The following SCAPER variants were observed in gnomAD, a reference collection of about 807,000 sequenced individuals.
The protein encoded by SCAPER is S phase cyclin A-associated protein in the endoplasmic reticulum.
SCAPER carries 98 observed loss-of-function variants against 182.2 expected under a neutral mutation model. That is an observed-to-expected ratio of 0.54 (90% CI 0.46 to 0.64). The LOEUF (loss-of-function observed/expected upper bound fraction) is 0.64, where lower values mean the gene tolerates loss of function less well. Among genes scored for constraint, SCAPER ranks in the 30% least tolerant of loss-of-function variants. The pLI is 0.00. For missense variants in SCAPER, 1,432 were observed against 1,690.0 expected, an observed-to-expected ratio of 0.85 and a Z score of 2.68; for synonymous variants, 605 against 564.6, an observed-to-expected ratio of 1.07 and a Z score of -1.01.
chr15:76,721,885 G>T (rs1291111163), intron 17 of SCAPER, among the ~76,000 whole-genome samples: 1 of 152,194 alleles, frequency 6.6e-6, no homozygotes, highest in African/African-American at 2.4e-5. Context: ...GGGACAATTT[G>T]ACTTCCCCTT....
chr15:76,756,105 G>A (rs1427321315), intron 14 of SCAPER, among the ~76,000 whole-genome samples: 1 of 152,036 alleles, frequency 6.6e-6, no homozygotes, highest in African/African-American at 2.4e-5. Context: ...TTAGCCAGGT[G>A]TGGTGGTGCA....
chr15:76,536,421 T>C (rs1405828376), intron 23 of SCAPER, among the ~76,000 whole-genome samples: 1 of 152,236 alleles, frequency 6.6e-6, no homozygotes, highest in African/African-American at 2.4e-5. Flanking sequence ...CTTGGTCAAA[T>C]TAGTTAATCT....
chr15:76,639,506 A>G (rs1299902308), intron 21 of SCAPER, among the ~76,000 whole-genome samples: 1 of 152,206 alleles, frequency 6.6e-6, no homozygotes. Flanking sequence ...CTGGTATGAG[A>G]GTTGGGGCTG....
chr15:76,750,715 G>A (rs1483886956), intron 15 of SCAPER, among the ~76,000 whole-genome samples: 5 of 151,706 alleles, frequency 3.3e-5, no homozygotes, highest in Admixed American at 6.6e-5. Flanking sequence ...CATCTTTCAT[G>A]ATAAAAAACA....
intron 5 of SCAPER, among the ~76,000 whole-genome samples, chr15:76,832,800 C>T (rs1183968753): frequency 6.6e-6 from 1 of 152,164 alleles, no homozygotes; most frequent in Non-Finnish European, 1.5e-5. Context: ...CTGCTGCTCC[C>T]GTTTTGCCTT....
intron 27 of SCAPER, among the ~76,000 whole-genome samples, chr15:76,391,458 A>G (rs2043691382): frequency 6.6e-6 from 1 of 152,200 alleles, no homozygotes; most frequent in Admixed American, 6.5e-5. Context: ...CATAGCACAT[A>G]CTCAGTAAAT....
At chr15:76,359,627 G>A (rs1422119496) in intron 29 of SCAPER, among the ~76,000 whole-genome samples, 2 of 152,184 alleles carry the variant, frequency 1.3e-5, no homozygotes, top group East Asian at 3.9e-4. Flanking sequence ...GAGCAAGGAT[G>A]AGCTTCCCTT....
rs143383859 is a variant in SCAPER, at chr15:76,390,019, C to T, written c.3468-8404G>A. Among the ~76,000 whole-genome samples, 231 of 151,712 alleles carry T rather than the reference C, an allele frequency of 1.5e-3. 1 individual carries two copies. Among genetic ancestry groups the T allele is most frequent in the African/African-American group, 5.5e-3 (226 of 41,358 alleles). On this transcript the variant is annotated intron_variant, in intron 27 of 31. Coordinates refer to ENST00000563290, the MANE Select transcript of SCAPER (RefSeq NM_020843.4). ...TTGCCCAGGCTGCAGTGTGGTGGCA[C>T]AATTGTAGCTCACTGTAACCTTGAA...
chr15:76,705,128 A>C (rs1011309405), intron 18 of SCAPER, among the ~76,000 whole-genome samples: 1 of 152,140 alleles, frequency 6.6e-6, no homozygotes, highest in African/African-American at 2.4e-5. Flanking sequence ...TCACAATAGC[A>C]AAGACTTGGA....
chr15:76,648,159 G>A (rs1174582970), intron 21 of SCAPER, among the ~76,000 whole-genome samples: 1 of 150,246 alleles, frequency 6.7e-6, no homozygotes, highest in East Asian at 2.0e-4. Context: ...TGGACTTCAA[G>A]TCAATTCATA....
chr15:76,543,261 T>C (rs1403146231), intron 23 of SCAPER, among the ~76,000 whole-genome samples: 1 of 152,244 alleles, frequency 6.6e-6, no homozygotes, highest in Non-Finnish European at 1.5e-5. Context: ...CTAATATGTA[T>C]GCTTATTACT....
At chr15:76,819,469 C>T (rs1365348511) in intron 5 of SCAPER, among the ~76,000 whole-genome samples, 1 of 152,154 alleles carries the variant, frequency 6.6e-6, no homozygotes, top group Non-Finnish European at 1.5e-5. Context: ...GATACCCAGG[C>T]AAACAGGGTC....
chr15:76,828,518 T>C (rs769864951), intron 5 of SCAPER, among the ~76,000 whole-genome samples: 23 of 152,312 alleles, frequency 1.5e-4, no homozygotes, highest in Non-Finnish European at 2.8e-4. Flanking sequence ...ATGACAGCTA[T>C]CTATCTCTAC....
chr15:76,611,051 G>C (rs2050935137), intron 22 of SCAPER, among the ~76,000 whole-genome samples: 1 of 152,120 alleles, frequency 6.6e-6, no homozygotes, highest in African/African-American at 2.4e-5. Context: ...TAAGATAGTG[G>C]CATAAAAATA....
At chr15:76,899,304 C>A (rs957055984) in intron 1 of SCAPER, among the ~76,000 whole-genome samples, 2 of 152,092 alleles carry the variant, frequency 1.3e-5, no homozygotes, top group African/African-American at 4.8e-5. Flanking sequence ...GCCTGGGGTT[C>A]CAGGCACGCG....
intron 5 of SCAPER, among the ~76,000 whole-genome samples, chr15:76,834,159 C>T (rs1490734290): frequency 6.6e-6 from 1 of 152,106 alleles, no homozygotes; most frequent in Non-Finnish European, 1.5e-5. Flanking sequence ...CACCCTCAGA[C>T]CACAGTGCAA....
chr15:76,626,976 T>C (rs373811664), intron 21 of SCAPER, among the ~76,000 whole-genome samples: 29 of 152,310 alleles, frequency 1.9e-4, no homozygotes, highest in Admixed American at 1.0e-3. Flanking sequence ...AATGTGAGAA[T>C]AGCAAGAGAT....
chr15:76,744,437 G>A (rs772961532), intron 15 of SCAPER, among the ~76,000 whole-genome samples: 1 of 151,684 alleles, frequency 6.6e-6, no homozygotes, highest in Non-Finnish European at 1.5e-5. Flanking sequence ...AAATCAACAA[G>A]CAAAAAAACA....
chr15:76,571,507 A>C (rs1043663103), intron 23 of SCAPER, among the ~76,000 whole-genome samples: 1 of 152,164 alleles, frequency 6.6e-6, no homozygotes, highest in African/African-American at 2.4e-5. Flanking sequence ...CCCTTCCATG[A>C]TAAGAGCGTT....
Sources: allele counts gnomAD v4.1 joint callset (sites outside exome capture counted in the v4.1 genomes callset), GRCh38; gene constraint gnomAD v4.1.1; transcripts MANE v1.5; gene names NCBI Gene and HGNC (gene_info 2026-07-23, HGNC 2026-07-21).